The following TTC28 variants were observed in gnomAD, a reference collection of about 807,000 sequenced individuals.
The protein encoded by TTC28 is tetratricopeptide repeat protein 28.
Under a neutral mutation model 198.0 loss-of-function variants are expected in TTC28, and 61 were observed. The observed-to-expected ratio is 0.31, with a 90% CI of 0.25 to 0.38. The LOEUF is 0.38. Among genes scored for constraint, TTC28 ranks in the 10% least tolerant of loss-of-function variants. TTC28 has a pLI of 1.00. For missense variants in TTC28, 2,678 were observed against 3,164.0 expected (o/e 0.85, Z 3.69); for synonymous variants, 1,171 against 1,297.8 (o/e 0.90, Z 2.10).
rs1048685727 is a variant in TTC28 at position 28,088,336 on chromosome 22, C to A, written c.3932+5744G>T. Among the ~76,000 whole-genome samples the A allele has an allele frequency of 8.5e-5, 13 of 152,218 alleles. 1 individual carries two copies. The East Asian group carries it at 2.5e-3, about 29-fold the overall frequency. On this transcript the variant is annotated intron_variant, in intron 12 of 22. Coordinates refer to ENST00000397906, the MANE Select transcript of TTC28 (RefSeq NM_001145418.2). ...AGAGATATAGATCAATGGAACAGAA[C>A]AGAGCCCTCAGAAATAACGCCGCAT... is the stretch of plus-strand genomic sequence containing the variant.
At chr22:28,194,500 T>C (rs1277249993) in intron 5 of TTC28, among the ~76,000 whole-genome samples, 1 of 152,130 alleles carries the variant, frequency 6.6e-6, no homozygotes, top group Non-Finnish European at 1.5e-5. Flanking sequence ...AGGAGCTGGT[T>C]TTTTGAAAAG....
chr22:28,448,713 C>T (rs1239248165), intron 2 of TTC28, among the ~76,000 whole-genome samples: 1 of 152,142 alleles, frequency 6.6e-6, no homozygotes, highest in African/African-American at 2.4e-5. Context: ...TAACTTGTTG[C>T]AGGAAGAATT....
intron 2 of TTC28, among the ~76,000 whole-genome samples, chr22:28,453,690 T>G (rs1338330666): frequency 6.6e-6 from 1 of 152,176 alleles, no homozygotes; most frequent in Non-Finnish European, 1.5e-5. Flanking sequence ...ATCCAAATCT[T>G]GCCACTTTAT....
intron 2 of TTC28, among the ~76,000 whole-genome samples, chr22:28,386,968 T>C (rs1274816844): frequency 6.6e-6 from 1 of 152,174 alleles, no homozygotes; most frequent in Non-Finnish European, 1.5e-5. Context: ...GCATTAGGTA[T>C]ATCACCCAAT....
intron 2 of TTC28, among the ~76,000 whole-genome samples, chr22:28,593,457 ATAGG>A (rs1205245699): frequency 2.1e-5 from 3 of 145,706 alleles, no homozygotes; most frequent in Admixed American, 6.9e-5. Flanking sequence ...AGATAGGTAG[ATAGG>A]TAGGTAGCTA....
intron 2 of TTC28, among the ~76,000 whole-genome samples, chr22:28,620,005 A>C (rs1040359470): frequency 5.9e-5 from 9 of 152,230 alleles, no homozygotes; most frequent in African/African-American, 2.2e-4. Flanking sequence ...AATGAAAAAA[A>C]CCATCTTATT....
chr22:28,615,042 T>C (rs1335401955), intron 2 of TTC28, among the ~76,000 whole-genome samples: 1 of 151,764 alleles, frequency 6.6e-6, no homozygotes, highest in African/African-American at 2.4e-5. Flanking sequence ...TTGCAATCTA[T>C]CCATCTGACA....
At chr22:28,158,360 A>T (rs1349137662) in intron 6 of TTC28, among the ~76,000 whole-genome samples, 1 of 152,172 alleles carries the variant, frequency 6.6e-6, no homozygotes, top group Non-Finnish European at 1.5e-5. Flanking sequence ...ATTCAATGCA[A>T]TCCATATCAA....
intron 12 of TTC28, among the ~76,000 whole-genome samples, chr22:28,071,747 G>GGAAAAAAAAAAAAAAAAAAAAAAAAAAAA (rs1569120333): frequency 8.9e-6 from 1 of 112,434 alleles, no homozygotes; most frequent in Non-Finnish European, 1.8e-5. Context: ...AAAAAAAAAA[G>GGAAAAAAAAAAAAAAAAAAAAAAAAAAAA]GAAAAAAAAA....
At chr22:28,504,394 TAC>T in intron 2 of TTC28, among the ~76,000 whole-genome samples, 1 of 152,272 alleles carries the variant, frequency 6.6e-6, no homozygotes, top group Non-Finnish European at 1.5e-5. Flanking sequence ...GCCATATATA[TAC>T]ACATTCATCT....
intron 2 of TTC28, among the ~76,000 whole-genome samples, chr22:28,438,931 G>A (rs370708642): frequency 2.0e-5 from 3 of 152,152 alleles, no homozygotes; most frequent in Non-Finnish European, 2.9e-5. Context: ...AGATTTTGCC[G>A]AGAGTGTGAT....
intron 6 of TTC28, among the ~76,000 whole-genome samples, chr22:28,160,189 A>T (rs1921008784): frequency 6.6e-6 from 1 of 152,240 alleles, no homozygotes; most frequent in Non-Finnish European, 1.5e-5. Context: ...TTAATTGTAC[A>T]TTTGAAAATA....
intron 2 of TTC28, among the ~76,000 whole-genome samples, chr22:28,432,033 C>T (rs2047438784): frequency 6.6e-6 from 1 of 151,626 alleles, no homozygotes; most frequent in Non-Finnish European, 1.5e-5. Flanking sequence ...TGCCTGTAAT[C>T]CCAGCACTTT....
intron 2 of TTC28, among the ~76,000 whole-genome samples, chr22:28,592,537 C>T (rs945978988): frequency 1.3e-5 from 2 of 151,766 alleles, no homozygotes; most frequent in African/African-American, 2.4e-5. Flanking sequence ...ATTTGATAAA[C>T]TTCTCTTCAT....
At chr22:28,584,796 G>T (rs1285200549) in intron 2 of TTC28, among the ~76,000 whole-genome samples, 2 of 152,166 alleles carry the variant, frequency 1.3e-5, no homozygotes, top group African/African-American at 4.8e-5. Flanking sequence ...TTTACATTTA[G>T]AAAGCTTTCT....
chr22:28,660,310 A>C (rs527724956), intron 1 of TTC28, among the ~76,000 whole-genome samples: 1 of 152,252 alleles, frequency 6.6e-6, no homozygotes, highest in Admixed American at 6.5e-5. Flanking sequence ...TTCTTTCATC[A>C]GCACAGTAAG....
Position 28,424,334 on chromosome 22 carries a change from A to G in TTC28, c.382-117691T>C, listed in dbSNP as rs569674376. Reference sequence around the variant, plus strand: ...GAAACAAAACCCTCTACTCCTCTCCATGGGGCAAATTCCCACTCCTCCCTC... The same window carrying G: ...GAAACAAAACCCTCTACTCCTCTCCGTGGGGCAAATTCCCACTCCTCCCTC... On this transcript the variant is annotated intron_variant, in intron 2 of 22. Coordinates refer to ENST00000397906, the MANE Select transcript of TTC28 (RefSeq NM_001145418.2). 3.1e-3 allele frequency among the ~76,000 whole-genome samples: 468 copies of G among 152,190 alleles called. 4 individuals are homozygous for G. The highest frequency in any genetic ancestry group is 4.6e-3 in the Non-Finnish European group (316 of 67,988).
At chr22:28,142,757 T>G (rs1313982562) in intron 6 of TTC28, among the ~76,000 whole-genome samples, 1 of 152,222 alleles carries the variant, frequency 6.6e-6, no homozygotes. Flanking sequence ...CCATTGTTAC[T>G]GGTTTCAAAA....
chr22:28,421,040 G>C (rs2067037364), intron 2 of TTC28, among the ~76,000 whole-genome samples: 1 of 152,092 alleles, frequency 6.6e-6, no homozygotes, highest in African/African-American at 2.4e-5. Flanking sequence ...TAATAAAATG[G>C]TCTTTCCCTC....
Sources: allele counts gnomAD v4.1 joint callset (sites outside exome capture counted in the v4.1 genomes callset), GRCh38; gene constraint gnomAD v4.1.1; transcripts MANE v1.5; gene names NCBI Gene and HGNC (gene_info 2026-07-23, HGNC 2026-07-21).